Variants in LRRTM4 observed in about 807,000 individuals in gnomAD.
The protein encoded by LRRTM4 is leucine rich repeat transmembrane neuronal 4, also known as leucine-rich repeat transmembrane neuronal protein 4.
A neutral mutation model predicts 47.6 loss-of-function variants in LRRTM4; 25 were observed. The ratio of observed to expected loss-of-function variants is 0.53; its 90% confidence interval spans 0.38 to 0.73. The LOEUF is 0.73. Ranked by LOEUF, LRRTM4 falls within the 30% of genes least tolerant of loss-of-function variation. The pLI, the probability that LRRTM4 is intolerant of heterozygous loss-of-function variation, is 0.00. For synonymous variants in LRRTM4, 311 were observed against 269.5 expected (o/e 1.15, Z -1.51); for missense variants, 638 against 713.4 (o/e 0.89, Z 1.20).
At chr2:76,873,447 G>GTA (rs565358381) in intron 3 of LRRTM4, among the ~76,000 whole-genome samples, 1,982 of 143,508 alleles carry the variant, frequency 0.014, 50 homozygotes, top group African/African-American at 0.048. Context: ...TAGTCTGTGT[G>GTA]TATATATATA....
chr2:77,195,092 G>A (rs1462989824), intron 3 of LRRTM4, among the ~76,000 whole-genome samples: 2 of 151,852 alleles, frequency 1.3e-5, no homozygotes, highest in Non-Finnish European at 2.9e-5. Flanking sequence ...ATTTAGAACA[G>A]TGAATTCAAC....
chr2:76,958,729 C>T (rs1675757932), intron 3 of LRRTM4, among the ~76,000 whole-genome samples: 1 of 151,672 alleles, frequency 6.6e-6, no homozygotes, highest in African/African-American at 2.4e-5. Context: ...AGGTATCCTA[C>T]TAAACTGATA....
At chr2:77,352,768 C>G (rs757934307) in intron 3 of LRRTM4, among the ~76,000 whole-genome samples, 11 of 151,636 alleles carry the variant, frequency 7.3e-5, no homozygotes, top group African/African-American at 2.7e-4. Flanking sequence ...TGTTGTTTTT[C>G]CTTAGTACAA....
intron 3 of LRRTM4, among the ~76,000 whole-genome samples, chr2:76,761,573 CCAAA>C (rs1247385488): frequency 6.6e-6 from 1 of 152,150 alleles, no homozygotes; most frequent in Admixed American, 6.5e-5. Context: ...ACTCCTTTGG[CCAAA>C]CACTTTCACA....
chr2:76,901,220 G>T (rs1377256633), intron 3 of LRRTM4, among the ~76,000 whole-genome samples: 1 of 151,920 alleles, frequency 6.6e-6, no homozygotes. Context: ...AACCCCTACA[G>T]GCCCCAGTGT....
chr2:77,050,599 A>C (rs2103770665), intron 3 of LRRTM4, among the ~76,000 whole-genome samples: 1 of 152,288 alleles, frequency 6.6e-6, no homozygotes, highest in South Asian at 2.1e-4. Context: ...CAAGCATTTT[A>C]CAGAAGTTAT....
intron 3 of LRRTM4, among the ~76,000 whole-genome samples, chr2:76,765,119 A>G (rs1673406133): frequency 6.6e-6 from 1 of 152,192 alleles, no homozygotes; most frequent in Admixed American, 6.5e-5. Context: ...TTTGCCTTGT[A>G]GTGGAATTTT....
chr2:77,030,333 C>T (rs969090587), intron 3 of LRRTM4, among the ~76,000 whole-genome samples: 3 of 152,132 alleles, frequency 2.0e-5, no homozygotes, highest in African/African-American at 7.2e-5. Context: ...ACTCGGGAGG[C>T]TGAGGCAGGA....
At chr2:77,206,655 T>C (rs569185548) in intron 3 of LRRTM4, among the ~76,000 whole-genome samples, 1 of 152,056 alleles carries the variant, frequency 6.6e-6, no homozygotes, top group South Asian at 2.1e-4. Flanking sequence ...AGCTAATTTT[T>C]GCATTTTTAG....
At chr2:76,914,520 G>A (rs1282035882) in intron 3 of LRRTM4, among the ~76,000 whole-genome samples, 1 of 151,982 alleles carries the variant, frequency 6.6e-6, no homozygotes, top group Non-Finnish European at 1.5e-5. Context: ...AAAATTGTAT[G>A]TTTATTAAAT....
chr2:77,019,099 G>GA (rs751083956), intron 3 of LRRTM4, among the ~76,000 whole-genome samples: 105 of 151,972 alleles, frequency 6.9e-4, no homozygotes, highest in African/African-American at 2.4e-3. Context: ...AGTGCTATAT[G>GA]AAAAACTTCT....
intron 3 of LRRTM4, among the ~76,000 whole-genome samples, chr2:76,754,066 T>C (rs1489464247): frequency 2.0e-5 from 3 of 152,190 alleles, no homozygotes; most frequent in Non-Finnish European, 4.4e-5. Context: ...ATTTCATCTC[T>C]AATTTTCAGA....
intron 3 of LRRTM4, among the ~76,000 whole-genome samples, chr2:77,490,768 C>T (rs941771674): frequency 2.0e-5 from 3 of 152,218 alleles, no homozygotes; most frequent in Non-Finnish European, 2.9e-5. Context: ...TCTACAAGCT[C>T]GATGCTGGAC....
chr2:77,116,630 A>G (rs11901327), intron 3 of LRRTM4, among the ~76,000 whole-genome samples: 1 of 151,818 alleles, frequency 6.6e-6, no homozygotes, highest in Non-Finnish European at 1.5e-5. Context: ...TATAGGGAGA[A>G]ATCCAGTGAC....
At chr2:76,754,402 T>A (rs1449026363) in intron 3 of LRRTM4, among the ~76,000 whole-genome samples, 1 of 152,060 alleles carries the variant, frequency 6.6e-6, no homozygotes, top group Non-Finnish European at 1.5e-5. Flanking sequence ...AATTGGCTCA[T>A]AGAATACAAG....
At chr2:76,775,512 T>C (rs146384584) in intron 3 of LRRTM4, among the ~76,000 whole-genome samples, 4 of 152,224 alleles carry the variant, frequency 2.6e-5, no homozygotes, top group African/African-American at 9.6e-5. Flanking sequence ...TTTTTGACAA[T>C]AGGGACAAAT....
intron 3 of LRRTM4, among the ~76,000 whole-genome samples, chr2:77,442,370 A>T (rs367567029): frequency 6.6e-6 from 1 of 152,196 alleles, no homozygotes; most frequent in East Asian, 1.9e-4. Context: ...CTTAAAATTG[A>T]TGGCATTTCA....
chr2:77,378,442 T>G (rs572852813), intron 3 of LRRTM4, among the ~76,000 whole-genome samples: 3 of 152,110 alleles, frequency 2.0e-5, no homozygotes, highest in Non-Finnish European at 4.4e-5. Context: ...AAAATGTATC[T>G]CTATATAAGA....
At chr2:77,481,226 T>C (rs962470941) in intron 3 of LRRTM4, among the ~76,000 whole-genome samples, 2 of 152,182 alleles carry the variant, frequency 1.3e-5, no homozygotes, top group Non-Finnish European at 2.9e-5. Context: ...ATTCTTGTCA[T>C]AACCCTGTGA....
Sources: gnomAD v4.1 joint callset for allele counts (sites outside exome capture counted in the v4.1 genomes callset) on GRCh38, gnomAD v4.1.1 for gene constraint, MANE v1.5 for transcripts, NCBI Gene and HGNC (gene_info 2026-07-23, HGNC 2026-07-21) for gene names.